SLC1A6: variants seen among roughly 807,000 people sequenced by gnomAD.
SLC1A6 encodes the protein excitatory amino acid transporter 4.
Under a neutral mutation model 42.1 loss-of-function variants are expected in SLC1A6, and 15 were observed. The observed-to-expected ratio is 0.36, with a 90% CI of 0.24 to 0.55. The LOEUF (loss-of-function observed/expected upper bound fraction) is 0.55. SLC1A6 is among the 20% of genes least tolerant of loss of function. The probability of loss-of-function intolerance (pLI) is 0.88; values close to 1 mark genes in which losing one functional copy is unlikely to be tolerated. For synonymous variants in SLC1A6, 317 were observed against 319.7 expected (o/e 0.99, Z 0.09); for missense variants, 542 against 772.5 (o/e 0.70, Z 3.54).
chr19:14,990,085 A>C lies in SLC1A6; in HGVS notation c.7-17168T>G, dbSNP rs74801694. Among the ~76,000 whole-genome samples the C allele has an allele frequency of 8.7e-3, 1,318 of 151,508 alleles. 17 individuals carry two copies. Among genetic ancestry groups the C allele is most frequent in the African/African-American group, 0.03 (1,253 of 41,324 alleles). ...TCCCACTACTGGATATGTATATCTA[A>C]AGGAAATGAAATCAGTGTCTCAAAG... is the stretch of plus-strand genomic sequence containing the variant. On this transcript the variant is annotated intron_variant, in intron 1 of 8. Transcript: ENST00000430939.
intron 7 of SLC1A6, 109 bp downstream of exon 7, chr19:14,956,367 G>A (rs2045463146): frequency 3.0e-6 from 2 of 658,750 alleles, no homozygotes; most frequent in Admixed American, 3.1e-5. Context: ...ATTGTTGGAC[G>A]ACTCAGAAGA....
chr19:14,993,220 A>C (rs1455588272), intron 1 of SLC1A6, among the ~76,000 whole-genome samples: 9 of 152,176 alleles, frequency 5.9e-5, no homozygotes, highest in African/African-American at 2.2e-4. Flanking sequence ...TTTATATAAA[A>C]TACCCAGCAC....
chr19:14,995,367 A>G (rs565670275), intron 1 of SLC1A6, among the ~76,000 whole-genome samples: 27 of 115,846 alleles, frequency 2.3e-4, no homozygotes, highest in Non-Finnish European at 3.5e-4. Context: ...GAAAGAAAGA[A>G]AAGGGAAGGG....
intron 9 of SLC1A6, among the ~76,000 whole-genome samples, chr19:14,951,253 CAAAAAAAAA>C (rs1164185118): frequency 3.5e-5 from 3 of 86,862 alleles, no homozygotes; most frequent in South Asian, 3.9e-4. Context: ...CTCTGTCTCA[CAAAAAAAAA>C]AAAAAAAAAA....
intron 4 of SLC1A6, among the ~76,000 whole-genome samples, chr19:14,967,360 T>C (rs2045586211): frequency 6.6e-6 from 1 of 152,064 alleles, no homozygotes; most frequent in Non-Finnish European, 1.5e-5. Flanking sequence ...AAACTAAAAG[T>C]AACACCTAAG....
At chr19:14,970,157 C>G (rs528755511) in intron 3 of SLC1A6, among the ~76,000 whole-genome samples, 1 of 152,288 alleles carries the variant, frequency 6.6e-6, no homozygotes, top group Non-Finnish European at 1.5e-5. Context: ...CTCGCTGCAG[C>G]CTCCTGGGTT....
intron 1 of SLC1A6, among the ~76,000 whole-genome samples, chr19:14,995,690 AT>A (rs1414349002): frequency 6.6e-6 from 1 of 152,206 alleles, no homozygotes; most frequent in African/African-American, 2.4e-5. Context: ...ATTTGTGTCA[AT>A]TTTTAAATTT....
chr19:14,973,005 G>A lies in SLC1A6; in HGVS notation c.-7-88C>T, dbSNP rs150406596. ...TGGCGAAGGCTGCGAAGGGTAATGA[G>A]CGCTTCCTGAGGACTCTCAGAAGGC... On this transcript the variant is annotated intron_variant, in intron 1 of 9. Transcript: ENST00000594383. 5 of 1,061,594 alleles carry A rather than the reference G, an allele frequency of 4.7e-6. No homozygotes were observed. The African/African-American group carries it at 8.0e-5, about 17-fold the overall frequency. The allele number at this position is 1,061,594 out of a possible 1,614,324, so 65.8% of individuals were successfully genotyped here.
intron 9 of SLC1A6, among the ~76,000 whole-genome samples, chr19:14,951,314 G>A (rs11669603): frequency 0.11 from 16,643 of 149,408 alleles, 1,193 homozygotes; most frequent in Middle Eastern, 0.2. Flanking sequence ...TCATGCAGAC[G>A]ATTAAGGGTT....
At chr19:14,999,532 G>T (rs998820879) in intron 1 of SLC1A6, among the ~76,000 whole-genome samples, 3 of 152,186 alleles carry the variant, frequency 2.0e-5, no homozygotes, top group Non-Finnish European at 4.4e-5. Context: ...TGTGTCACAG[G>T]CCTGTCAATA....
intron 1 of SLC1A6, chr19:14,974,475 A>T (rs1463673037): frequency 6.6e-6 from 1 of 152,148 alleles, no homozygotes; most frequent in Non-Finnish European, 1.5e-5. Context: ...TAAAATGCAT[A>T]TAAAAATTAA....
intron 1 of SLC1A6, among the ~76,000 whole-genome samples, chr19:15,009,218 C>CACATAGATATGCTATCTAAATAGCATATA (rs2045911744): frequency 2.3e-5 from 3 of 130,668 alleles, no homozygotes; most frequent in Admixed American, 7.8e-5. Context: ...TATAGCATAT[C>CACATAGATATGCTATCTAAATAGCATATA]TATCACATAG....
intron 1 of SLC1A6, among the ~76,000 whole-genome samples, chr19:14,985,071 G>A (rs760512098): frequency 1.1e-4 from 16 of 152,080 alleles, no homozygotes; most frequent in Admixed American, 7.9e-4. Flanking sequence ...TAGTAGAGAC[G>A]GGGTTTCACC....
rs372008358 is a variant in SLC1A6 at position 14,985,765 on chromosome 19, C to T, written c.7-12848G>A. On this transcript the variant is annotated intron_variant, in intron 1 of 8. Coordinates refer to the SLC1A6 transcript ENST00000430939. Reference sequence around the variant, plus strand: ...ATCGTTTGAGGCCAGGAGTTTGAGGCCAGCCTGTCCAATATGGCAAAAATC... The same window carrying T: ...ATCGTTTGAGGCCAGGAGTTTGAGGTCAGCCTGTCCAATATGGCAAAAATC... Among the ~76,000 whole-genome samples the T allele has an allele frequency of 4.6e-5, 7 of 152,158 alleles. No individual in the cohort carries two copies. In the East Asian group the frequency reaches 1.2e-3, roughly 25 times the overall value.
Position 14,962,296 on chromosome 19 carries a change from G to A in SLC1A6, c.641C>T (p.Thr214Ile). 3 of 1,614,126 alleles carry A rather than the reference G, an allele frequency of 1.9e-6. No homozygotes were observed. The highest frequency in any genetic ancestry group is 1.7e-6 in the Non-Finnish European group (2 of 1,180,008). ...GGCACCCGGCTCAGACCCGTTCTCT[G>A]TCCTCACCATGGTCCTGGTTACCAC... ...TRVVTRTMVR[T>I]ENGSEPGASM... The change falls in exon 6 of 10, where the codon ACA (threonine) becomes ATA (isoleucine). Residue 214 changes from threonine (T) to isoleucine (I), a missense_variant. Physicochemically the swap from Thr to Ile is moderately conservative, Grantham distance 89. This residue lies in a region of SLC1A6 where 298 missense variants were observed against 419.4 expected (regional missense o/e 0.71). Transcript: ENST00000594383.
chr19:14,954,057 TCCCTC>T, intron 8 of SLC1A6, 73 bp downstream of exon 8: 2 of 997,538 alleles, frequency 2.0e-6, no homozygotes, highest in Non-Finnish European at 3.0e-6. Context: ...GGCCCCCTCC[TCCCTC>T]CCCAACCCTC....
At chr19:14,999,278 C>T (rs968897303) in intron 1 of SLC1A6, among the ~76,000 whole-genome samples, 1 of 152,182 alleles carries the variant, frequency 6.6e-6, no homozygotes, top group Non-Finnish European at 1.5e-5. Flanking sequence ...TTAACCCAGA[C>T]ACTCTCTTCT....
chr19:14,964,780 G>C (rs772221598), intron 4 of SLC1A6, among the ~76,000 whole-genome samples: 4 of 152,084 alleles, frequency 2.6e-5, no homozygotes, highest in African/African-American at 9.7e-5. Context: ...TTTAGGTTTC[G>C]TCTAGGCCCA....
At chr19:14,987,651 C>A (rs1433772598) in intron 1 of SLC1A6, among the ~76,000 whole-genome samples, 1 of 151,992 alleles carries the variant, frequency 6.6e-6, no homozygotes, top group Non-Finnish European at 1.5e-5. Flanking sequence ...ACAGGAAGAG[C>A]AATCCAGGTA....
Sources: allele counts gnomAD v4.1 joint callset (sites outside exome capture counted in the v4.1 genomes callset), GRCh38; gene constraint gnomAD v4.1.1; regional missense constraint gnomAD v4.1.1; transcripts MANE v1.5; gene names NCBI Gene and HGNC (gene_info 2026-07-23, HGNC 2026-07-21).